Variants in ZNF723 observed in about 807,000 individuals in gnomAD.
The protein encoded by ZNF723 is zinc finger protein 723.
In ZNF723, 5 loss-of-function variants were observed where a neutral mutation model predicts 9.4. The observed-to-expected ratio is 0.53, with a 90% confidence interval of 0.28 to 1.12. The LOEUF (loss-of-function observed/expected upper bound fraction) is 1.12. ZNF723 is among the 50% of genes most tolerant of loss of function. ZNF723 has a pLI of 0.10. For synonymous variants in ZNF723, 158 were observed against 168.8 expected, an observed-to-expected ratio of 0.94 and a Z score of 0.49; for missense variants, 450 against 501.5, an observed-to-expected ratio of 0.90 and a Z score of 0.98.
upstream of ZNF723, among the ~76,000 whole-genome samples, chr19:22,827,822 C>T (rs1221392324): frequency 6.6e-6 from 1 of 152,082 alleles, no homozygotes; most frequent in Admixed American, 6.5e-5. Context: ...CACCTGTAAT[C>T]CTAGCACTTT....
intron 1 of ZNF723, among the ~76,000 whole-genome samples, chr19:22,837,485 TAACA>T (rs1338797662): frequency 2.0e-5 from 3 of 151,888 alleles, no homozygotes; most frequent in South Asian, 2.1e-4. Flanking sequence ...TGTTTGGTGT[TAACA>T]AACAATTTGG....
intron 1 of ZNF723, chr19:22,840,838 G>C (rs2145213135): frequency 6.6e-6 from 1 of 152,320 alleles, no homozygotes; most frequent in East Asian, 1.9e-4. Context: ...TAGAAGCTGA[G>C]GCTGAAACAC....
At chr19:22,822,068 C>T in the ZNF723 span, among the ~76,000 whole-genome samples, 1 of 152,156 alleles carries the variant, frequency 6.6e-6, no homozygotes, top group Non-Finnish European at 1.5e-5. Context: ...TGATATCATG[C>T]CATCGTACTC....
At chr19:22,834,872 C>T (rs1967145441) in intron 1 of ZNF723, among the ~76,000 whole-genome samples, 1 of 152,094 alleles carries the variant, frequency 6.6e-6, no homozygotes, top group African/African-American at 2.4e-5. Context: ...AACCTGACCC[C>T]AGTGAGAAAG....
chr19:22,857,686 C>A lies in ZNF723; in HGVS notation c.795C>A (p.Thr265=). Residue 265 remains threonine, a synonymous_variant, in exon 4 of 4, where the codon ACC becomes ACA. Transcript: ENST00000600766. Reference sequence around the variant, plus strand: ...ACAAATGTGAAGAATGTGGCAAAACCTTTAATATGTTCTCAAGCCTTAATA... The same window carrying A: ...ACAAATGTGAAGAATGTGGCAAAACATTTAATATGTTCTCAAGCCTTAATA... ...KPYKCEECGK[T]FNMFSSLNNH... 3.2e-6 allele frequency: 4 copies of A among 1,267,604 alleles called. No individual in the cohort carries two copies. Among genetic ancestry groups the A allele is most frequent in the Non-Finnish European group, 4.6e-6 (4 of 865,804 alleles). 78.5% of individuals were successfully genotyped at this position (1,267,604 alleles called of 1,614,324 possible). A position where few individuals can be genotyped will look rare whatever the true frequency, so the allele number is the denominator to read the frequency against.
At chr19:22,853,189 A>G (rs1031890952) in intron 3 of ZNF723, among the ~76,000 whole-genome samples, 4 of 151,984 alleles carry the variant, frequency 2.6e-5, no homozygotes, top group South Asian at 2.1e-4. Flanking sequence ...TTTAACTTTT[A>G]TATTCATAGT....
intron 3 of ZNF723, among the ~76,000 whole-genome samples, chr19:22,855,863 A>G (rs1439551766): frequency 1.3e-5 from 2 of 152,070 alleles, no homozygotes; most frequent in East Asian, 1.9e-4. Context: ...AAGTGTGCTT[A>G]TATATGTGTT....
At chr19:22,830,177 A>AT (rs1316214377), upstream of ZNF723, among the ~76,000 whole-genome samples, 3 of 151,794 alleles carry the variant, frequency 2.0e-5, no homozygotes, top group Non-Finnish European at 2.9e-5. Context: ...TGCTCCTGCA[A>AT]TTTTTTTTGA....
In ZNF723 at chr19:22,858,565, C is replaced by A; in HGVS notation, c.*132C>A. ...GGCAGATCACCTGAGGTCAGGAGTT[C>A]GAGACCAACCTAACATGGTGAAACA... On this transcript the variant is annotated 3_prime_UTR_variant, in exon 4 of 4. Coordinates refer to ENST00000600766, the MANE Select transcript of ZNF723 (RefSeq NM_001349726.2). 5.6e-6 allele frequency: 3 copies of A among 533,354 alleles called. No individual in the cohort carries two copies. The highest frequency in any genetic ancestry group is 9.8e-6 in the Non-Finnish European group (3 of 306,732). 33.0% of individuals were successfully genotyped at this position (533,354 alleles called of 1,614,324 possible).
chr19:22,821,951 A>C, the ZNF723 span, among the ~76,000 whole-genome samples: 40 of 152,192 alleles, frequency 2.6e-4, no homozygotes, highest in African/African-American at 9.4e-4. Flanking sequence ...TCTACTAAAA[A>C]TACAAAAAAT....
At chr19:22,851,583 C>G (rs973303651) in intron 3 of ZNF723, among the ~76,000 whole-genome samples, 1 of 152,102 alleles carries the variant, frequency 6.6e-6, no homozygotes, top group African/African-American at 2.4e-5. Flanking sequence ...TCAGACTAAT[C>G]TTGAACTCCT....
upstream of ZNF723, among the ~76,000 whole-genome samples, chr19:22,828,664 C>T (rs750852512): frequency 6.6e-6 from 1 of 151,586 alleles, no homozygotes; most frequent in African/African-American, 2.4e-5. Flanking sequence ...AAAAACAAAA[C>T]AAAACAAAGT....
upstream of ZNF723, chr19:22,832,232 G>C (rs879928406): frequency 1.4e-5 from 12 of 881,234 alleles, no homozygotes; most frequent in Non-Finnish European, 2.0e-5. Flanking sequence ...TTGACTAAGA[G>C]CCGTCCAATC....
At chr19:22,843,008 G>GT (rs1288014519) in intron 1 of ZNF723, among the ~76,000 whole-genome samples, 2 of 152,314 alleles carry the variant, frequency 1.3e-5, no homozygotes, top group East Asian at 1.9e-4. Flanking sequence ...GGCAGAATAC[G>GT]TAAGTGTGAA....
At chr19:22,816,983 A>G in the ZNF723 span, among the ~76,000 whole-genome samples, 1 of 152,150 alleles carries the variant, frequency 6.6e-6, no homozygotes, top group Admixed American at 6.5e-5. Flanking sequence ...TGATGCGGCT[A>G]TTTTCCACTG....
Position 22,857,391 on chromosome 19 carries a change from A to T in ZNF723, c.500A>T (p.His167Leu), listed in dbSNP as rs375188361. Residue 167 changes from histidine to leucine, a missense_variant, in exon 4 of 4, where the codon CAT becomes CTT. Transcript: ENST00000600766. ...AGTTCAAATAGCCAGAAGATAAGACATACTGGAAATAATTCTTTCAAATGT... is the reference window on the plus strand; with the variant it reads ...AGTTCAAATAGCCAGAAGATAAGACTTACTGGAAATAATTCTTTCAAATGT... Reference protein sequence around the residue: ...FSSSNSQKIRHTGNNSFKCKE... With the variant: ...FSSSNSQKIRLTGNNSFKCKE... 2.5e-4 allele frequency: 212 copies of T among 839,632 alleles called. 3 individuals carry two copies. The South Asian group carries it at 2.5e-3, about 10-fold the overall frequency. The allele number at this position is 839,632 out of a possible 1,614,324, so 52.0% of individuals were successfully genotyped here. A position where few individuals can be genotyped will look rare whatever the true frequency, so the allele number is the denominator to read the frequency against.
chr19:22,845,624 G>A (rs905200277), intron 1 of ZNF723, among the ~76,000 whole-genome samples: 3 of 152,038 alleles, frequency 2.0e-5, no homozygotes, highest in African/African-American at 4.8e-5. Flanking sequence ...GCAGGGGAGG[G>A]CACCTAAAGA....
In ZNF723 at chr19:22,851,153, C is replaced by CTATT. The variant is rs145875284; in HGVS notation, c.226+1881_226+1884dup. ...CTCTATATTTACATTTAACAGAGAGCTATTTATTTATTTATTTATTTATTA... is the reference window on the plus strand; with the variant it reads ...CTCTATATTTACATTTAACAGAGAGCTATTTATTTATTTATTTATTTATTTATTA... On this transcript the variant is annotated intron_variant, in intron 3 of 3. Transcript: ENST00000600766. 8.9e-3 allele frequency among the ~76,000 whole-genome samples: 1,348 copies of CTATT among 151,020 alleles called. 23 individuals are homozygous for CTATT. The highest frequency in any genetic ancestry group is 0.031 in the African/African-American group (1,262 of 41,190).
intron 1 of ZNF723, among the ~76,000 whole-genome samples, chr19:22,842,208 T>C (rs1172103245): frequency 1.3e-5 from 2 of 152,194 alleles, no homozygotes; most frequent in African/African-American, 4.8e-5. Context: ...TTTCACTGTG[T>C]TGGCCAGGCT....
Sources: allele counts gnomAD v4.1 joint callset (sites outside exome capture counted in the v4.1 genomes callset), GRCh38; gene constraint gnomAD v4.1.1; transcripts MANE v1.5; gene names NCBI Gene and HGNC (gene_info 2026-07-23, HGNC 2026-07-21).